Variants in TRPC4 observed in about 807,000 individuals in gnomAD.
The protein encoded by TRPC4 is short transient receptor potential channel 4.
In TRPC4, 49 loss-of-function variants were observed where a neutral mutation model predicts 99.4. The observed-to-expected ratio is 0.49, with a 90% CI of 0.39 to 0.63. TRPC4 has a LOEUF of 0.63. Among genes scored for constraint, TRPC4 ranks in the 20% least tolerant of loss-of-function variants. The probability of loss-of-function intolerance (pLI) is 0.00; values close to 1 mark genes in which losing one functional copy is unlikely to be tolerated. For synonymous variants in TRPC4, 454 were observed against 425.9 expected, an observed-to-expected ratio of 1.07 and a Z score of -0.81; for missense variants, 898 against 1,152.9, an observed-to-expected ratio of 0.78 and a Z score of 3.20.
intron 1 of TRPC4, among the ~76,000 whole-genome samples, chr13:37,844,573 G>A (rs1439575642): frequency 6.6e-6 from 1 of 152,174 alleles, no homozygotes; most frequent in African/African-American, 2.4e-5. Flanking sequence ...GGGATTACAG[G>A]TGTGAGCCAC....
intron 7 of TRPC4, among the ~76,000 whole-genome samples, chr13:37,653,896 A>G (rs1005980425): frequency 6.6e-6 from 1 of 152,152 alleles, no homozygotes; most frequent in Non-Finnish European, 1.5e-5. Flanking sequence ...GTTGATTAGG[A>G]GAATATAGAA....
Position 37,675,028 on chromosome 13 carries a change from C to T in TRPC4, c.1235-661G>A, listed in dbSNP as rs1019770560. ...TTATCTTATTAAAATTTTATAATTT[C>T]GTATTTAGAGCCTAATGATGAGAGA... is the stretch of plus-strand genomic sequence containing the variant. On this transcript the variant is annotated intron_variant, in intron 4 of 10. Coordinates refer to ENST00000379705, the MANE Select transcript of TRPC4 (RefSeq NM_016179.4). 9.9e-5 allele frequency among the ~76,000 whole-genome samples: 15 copies of T among 151,864 alleles called. No homozygotes were observed. In the East Asian group the frequency reaches 1.7e-3, roughly 18 times the overall value.
chr13:37,637,056 C>T lies in TRPC4; in HGVS notation c.2781G>A (p.Val927=). The part of the protein sequence containing the change: ...DTLGLQVGKR[V]CPFKSEKVVV... ...CCACCTTCTCTGACTTGAATGGACACACTCTCTTTCCTACCTGTAACCCCA... is the reference window on the plus strand; with the variant it reads ...CCACCTTCTCTGACTTGAATGGACATACTCTCTTTCCTACCTGTAACCCCA... Residue 927 remains valine, a synonymous_variant, in exon 11 of 11, where the codon GTG becomes GTA. Transcript: ENST00000379705. 6.2e-7 allele frequency: 1 copy of T among 1,613,786 alleles called. No individual in the cohort carries two copies.
intron 3 of TRPC4, among the ~76,000 whole-genome samples, chr13:37,701,434 C>T (rs1176533796): frequency 6.6e-6 from 1 of 152,014 alleles, no homozygotes; most frequent in African/African-American, 2.4e-5. Context: ...ATCAGCTTCC[C>T]TCTCTCATTC....
At chr13:37,725,514 G>A (rs12875577) in intron 3 of TRPC4, among the ~76,000 whole-genome samples, 53,147 of 151,916 alleles carry the variant, frequency 0.35, 11,143 homozygotes, top group Non-Finnish European at 0.48. Flanking sequence ...TACATACAAG[G>A]AATCCTGAAT....
At chr13:37,765,904 CA>C (rs1204830426) in intron 2 of TRPC4, among the ~76,000 whole-genome samples, 1 of 151,230 alleles carries the variant, frequency 6.6e-6, no homozygotes, top group Non-Finnish European at 1.5e-5. Context: ...AACATGTACT[CA>C]AATAATTCCA....
rs750063643 is a variant in TRPC4 at position 37,692,207 on chromosome 13, G to A, written c.1026C>T (p.Val342=). ...TCFIIGLLFP[V]FSVCYLIAPK... The stretch of plus-strand genomic sequence containing the variant: ...GAGCTATCAGGTAGCACACAGAGAA[G>A]ACAGGAAAAAGAAGTCCTATTATGA... Residue 342 remains valine, a synonymous_variant, in exon 4 of 11, where the codon GTC becomes GTT. Coordinates refer to ENST00000379705, the MANE Select transcript of TRPC4 (RefSeq NM_016179.4). The A allele has an allele frequency of 2.1e-5, 34 of 1,613,952 alleles. No individual in the cohort carries two copies. Among genetic ancestry groups the A allele is most frequent in the Non-Finnish European group, 1.1e-5 (13 of 1,180,032 alleles).
At chr13:37,780,044 T>A (rs1394290047) in intron 2 of TRPC4, among the ~76,000 whole-genome samples, 1 of 152,150 alleles carries the variant, frequency 6.6e-6, no homozygotes, top group East Asian at 1.9e-4. Flanking sequence ...CTTAGGACTC[T>A]CGAGAAAAGG....
intron 1 of TRPC4, among the ~76,000 whole-genome samples, chr13:37,851,747 G>A (rs1959063999): frequency 6.6e-6 from 1 of 152,216 alleles, no homozygotes; most frequent in Non-Finnish European, 1.5e-5. Flanking sequence ...GAGGGTCTGA[G>A]AGACAGTCTT....
intron 4 of TRPC4, among the ~76,000 whole-genome samples, chr13:37,684,410 G>C (rs1337542545): frequency 6.6e-6 from 1 of 152,170 alleles, no homozygotes; most frequent in Non-Finnish European, 1.5e-5. Context: ...CAGAGTAAGA[G>C]TGAAGTGTAG....
intron 1 of TRPC4, among the ~76,000 whole-genome samples, chr13:37,819,662 A>G (rs1171580114): frequency 1.3e-5 from 2 of 151,828 alleles, no homozygotes; most frequent in African/African-American, 4.8e-5. Context: ...ACATACTAAG[A>G]CCTATCAAAT....
intron 3 of TRPC4, among the ~76,000 whole-genome samples, chr13:37,701,267 C>T (rs1433519157): frequency 2.0e-5 from 3 of 152,134 alleles, no homozygotes; most frequent in East Asian, 1.9e-4. Flanking sequence ...TATTCTTTGG[C>T]GTAATTTTAT....
At chr13:37,655,384 T>A (rs72621294) in intron 6 of TRPC4, 101 bp from the exon 7 acceptor site, 4,938 of 377,304 alleles carry the variant, frequency 0.013, 49 homozygotes, top group Middle Eastern at 0.022. Flanking sequence ...TATATATATA[T>A]AATTAACTTA....
intron 7 of TRPC4, among the ~76,000 whole-genome samples, chr13:37,651,816 A>G (rs1164834568): frequency 6.6e-6 from 1 of 152,194 alleles, no homozygotes; most frequent in South Asian, 2.1e-4. Context: ...CCAGAAATAG[A>G]CTTTCTGTCT....
chr13:37,663,026 T>A (rs1156694090), intron 6 of TRPC4, among the ~76,000 whole-genome samples: 1 of 152,194 alleles, frequency 6.6e-6, no homozygotes, highest in African/African-American at 2.4e-5. Flanking sequence ...GGAAAACACA[T>A]GAGGAAATAT....
At chr13:37,708,982 C>T (rs987894625) in intron 3 of TRPC4, among the ~76,000 whole-genome samples, 14 of 151,914 alleles carry the variant, frequency 9.2e-5, no homozygotes, top group African/African-American at 3.1e-4. Flanking sequence ...TTTATTTTTA[C>T]CACAATAATC....
intron 3 of TRPC4, among the ~76,000 whole-genome samples, chr13:37,701,670 A>G (rs1199776493): frequency 6.6e-6 from 1 of 152,146 alleles, no homozygotes; most frequent in Non-Finnish European, 1.5e-5. Context: ...ATAAGGAACA[A>G]ACTACTGTAC....
At chr13:37,773,275 A>G (rs746653595) in intron 2 of TRPC4, among the ~76,000 whole-genome samples, 2 of 151,826 alleles carry the variant, frequency 1.3e-5, no homozygotes, top group Non-Finnish European at 2.9e-5. Context: ...AGGAAAACAG[A>G]GAAACCTACA....
chr13:37,693,944 A>AG (rs1953822189), intron 3 of TRPC4, among the ~76,000 whole-genome samples: 1 of 152,170 alleles, frequency 6.6e-6, no homozygotes. Context: ...GGAAATTTCA[A>AG]GCTCCATGAA....
Sources: gnomAD v4.1 joint callset for allele counts (sites outside exome capture counted in the v4.1 genomes callset) on GRCh38, gnomAD v4.1.1 for gene constraint, MANE v1.5 for transcripts, NCBI Gene and HGNC (gene_info 2026-07-23, HGNC 2026-07-21) for gene names.